The following FOXA3 variants were observed in gnomAD, a reference collection of about 807,000 sequenced individuals.
FOXA3 encodes hepatocyte nuclear factor 3-gamma.
Under a neutral mutation model 16.9 loss-of-function variants are expected in FOXA3, and 11 were observed. That is an observed-to-expected ratio of 0.65 (90% CI 0.41 to 1.08). The LOEUF is 1.08. FOXA3 is among the 50% of genes least tolerant of loss of function. FOXA3 has a pLI of 0.00. For synonymous variants in FOXA3, 217 were observed against 203.3 expected, an observed-to-expected ratio of 1.07 and a Z score of -0.57; for missense variants, 423 against 470.1, an observed-to-expected ratio of 0.90 and a Z score of 0.93.
rs553006038 is a variant in FOXA3, at chr19:45,865,476, T to G, written c.69+951T>G. ...CCCCTACACCTTAGCTACCTCACTC[T>G]GTAATCAACGTTGTGAGGTTGTTGG... On this transcript the variant is annotated intron_variant, in intron 1 of 1. Coordinates refer to ENST00000302177, the MANE Select transcript of FOXA3 (RefSeq NM_004497.3). 2.6e-3 allele frequency among the ~76,000 whole-genome samples: 389 copies of G among 152,262 alleles called. 1 individual carries two copies. The highest frequency in any genetic ancestry group is 8.7e-3 in the African/African-American group (360 of 41,560).
intron 1 of FOXA3, among the ~76,000 whole-genome samples, chr19:45,866,188 G>C (rs531674081): frequency 9.9e-5 from 15 of 152,126 alleles, no homozygotes; most frequent in Non-Finnish European, 1.9e-4. Flanking sequence ...GAAGTGGGAG[G>C]ATCTCTTGAG....
intron 1 of FOXA3, among the ~76,000 whole-genome samples, chr19:45,867,111 A>G (rs1349477200): frequency 1.3e-5 from 2 of 152,004 alleles, no homozygotes; most frequent in Non-Finnish European, 2.9e-5. Flanking sequence ...TCGGACCTCA[A>G]GGAGGACTTC....
intron 1 of FOXA3, 68 bp downstream of exon 1, chr19:45,864,593 A>C (rs1972061246): frequency 7.6e-7 from 1 of 1,315,726 alleles, no homozygotes; most frequent in Admixed American, 2.8e-5. Context: ...CACATGGAGC[A>C]GGGACTGGTT....
In FOXA3 at chr19:45,873,391, GC is replaced by G. The variant is rs903959774; in HGVS notation, c.*341del. On this transcript the variant is annotated 3_prime_UTR_variant, in exon 2 of 2. Transcript: ENST00000302177. The stretch of plus-strand genomic sequence containing the variant: ...TAGCATTTCAGTGACATCTTCTTTG[GC>G]CCCCCCCATTAGGTGCTGTGCCCAC... 4.4e-5 allele frequency: 16 copies of G among 366,568 alleles called. No individual in the cohort carries two copies. The highest frequency in any genetic ancestry group is 1.0e-4 in the African/African-American group (5 of 48,184). The allele number at this position is 366,568 out of a possible 1,614,324, so 22.7% of individuals were successfully genotyped here. A position where few individuals can be genotyped will look rare whatever the true frequency, so the allele number is the denominator to read the frequency against.
chr19:45,864,872 A>G (rs778968851), intron 1 of FOXA3, among the ~76,000 whole-genome samples: 171 of 152,276 alleles, frequency 1.1e-3, no homozygotes, highest in Non-Finnish European at 1.7e-3. Flanking sequence ...GTTCCAGGGT[A>G]GGGGACAGAC....
Position 45,864,355 on chromosome 19 carries a change from G to C in FOXA3, c.-102G>C. 2 of 1,075,078 alleles carry C rather than the reference G, an allele frequency of 1.9e-6. No homozygotes were observed. Among genetic ancestry groups the C allele is most frequent in the Non-Finnish European group, 2.4e-6 (2 of 826,720 alleles). The allele number at this position is 1,075,078 out of a possible 1,614,324, so 66.6% of individuals were successfully genotyped here. On this transcript the variant is annotated 5_prime_UTR_variant, in exon 1 of 2. Transcript: ENST00000302177. ...CAGCCGTACCCCGGGCGGTCGGACG[G>C]GCGGGCGCCGGTGGGAGCTCGGGCC...
In FOXA3 at chr19:45,872,307, A is replaced by C; in HGVS notation, c.302A>C (p.His101Pro). The change falls in exon 2 of 2, where the codon CAC (histidine) becomes CCC (proline). Residue 101 changes from histidine to proline, a missense_variant. His to Pro is a moderately conservative substitution (Grantham distance 77). Around this residue, in one of 3 missense-constraint regions of FOXA3, gnomAD observed 170 missense variants for 153.9 expected, o/e 1.10. Coordinates refer to ENST00000302177, the MANE Select transcript of FOXA3 (RefSeq NM_004497.3). This position sits in a 1 kb window ranked among gnomAD's most constrained non-coding sequence, Gnocchi z 4.5. ...GGGGCCCCGGGTCCTGGGCTGGTGCACGGGAAGGAGATGCCGAAGGGGTAT... is the reference window on the plus strand; with the variant it reads ...GGGGCCCCGGGTCCTGGGCTGGTGCCCGGGAAGGAGATGCCGAAGGGGTAT... ...GYGAPGPGLV[H>P]GKEMPKGYRR... 1.2e-6 allele frequency: 2 copies of C among 1,614,004 alleles called. No homozygotes were observed. Among genetic ancestry groups the C allele is most frequent in the Non-Finnish European group, 1.7e-6 (2 of 1,179,900 alleles).
chr19:45,871,050 A>G (rs1322319745), intron 1 of FOXA3, among the ~76,000 whole-genome samples: 1 of 152,120 alleles, frequency 6.6e-6, no homozygotes, highest in Non-Finnish European at 1.5e-5. Flanking sequence ...CGATTGCACC[A>G]CTGCACTTCA....
chr19:45,866,786 G>A (rs577176152), intron 1 of FOXA3, among the ~76,000 whole-genome samples: 1 of 152,332 alleles, frequency 6.6e-6, no homozygotes, highest in Non-Finnish European at 1.5e-5. Context: ...CCCTGTTTTA[G>A]AGGTGGTTAA....
At chr19:45,871,408 G>T (rs1403642977) in intron 1 of FOXA3, among the ~76,000 whole-genome samples, 2 of 152,066 alleles carry the variant, frequency 1.3e-5, no homozygotes, top group East Asian at 3.9e-4. Flanking sequence ...TACACTTCAT[G>T]AGAAAGAGAG....
chr19:45,873,113 T>C lies in FOXA3; in HGVS notation c.*55T>C, dbSNP rs1662703048. Reference sequence around the variant, plus strand: ...GCTGGAGCTCACACCACGAAGCTCTTGGGGCCTGATCCTTCTGGTGACACT... The same window carrying C: ...GCTGGAGCTCACACCACGAAGCTCTCGGGGCCTGATCCTTCTGGTGACACT... On this transcript the variant is annotated 3_prime_UTR_variant, in exon 2 of 2. Transcript: ENST00000302177. 3.9e-6 allele frequency: 6 copies of C among 1,553,190 alleles called. No individual in the cohort carries two copies. The highest frequency in any genetic ancestry group is 5.2e-6 in the Non-Finnish European group (6 of 1,147,944).
chr19:45,872,013 G>A lies in FOXA3; in HGVS notation c.70-62G>A. ...GACAGACGGACACTCAGTGGGTCCT[G>A]GGATCCTTTGCTGACCAGCAGAGTG... On this transcript the variant is annotated intron_variant, in intron 1 of 1. Transcript: ENST00000302177. The surrounding 1 kb of genome is among the most constrained non-coding windows in gnomAD (Gnocchi z 4.5). 1 of 1,537,588 alleles carries A rather than the reference G, an allele frequency of 6.5e-7. No individual in the cohort carries two copies. The highest frequency in any genetic ancestry group is 8.9e-7 in the Non-Finnish European group (1 of 1,122,612).
intron 1 of FOXA3, among the ~76,000 whole-genome samples, chr19:45,869,960 G>A (rs7254364): frequency 0.31 from 45,943 of 150,506 alleles, 7,159 homozygotes; most frequent in Middle Eastern, 0.36. Flanking sequence ...TATTTTTTGT[G>A]TTTTTAGTAG....
At chr19:45,866,231 G>A (rs1972083900) in intron 1 of FOXA3, among the ~76,000 whole-genome samples, 1 of 151,986 alleles carries the variant, frequency 6.6e-6, no homozygotes, top group South Asian at 2.1e-4. Context: ...GGGCAACATA[G>A]GGAGACCTTG....
At chr19:45,868,160 A>G (rs1237881692) in intron 1 of FOXA3, among the ~76,000 whole-genome samples, 3 of 152,086 alleles carry the variant, frequency 2.0e-5, no homozygotes, top group Non-Finnish European at 4.4e-5. Flanking sequence ...GAGACATGAA[A>G]AGGAAAGAGC....
At chr19:45,864,931 A>G (rs181729901) in intron 1 of FOXA3, among the ~76,000 whole-genome samples, 182 of 152,130 alleles carry the variant, frequency 1.2e-3, no homozygotes, top group Non-Finnish European at 1.8e-3. Flanking sequence ...AAGAAAGACT[A>G]AAAGATGGAG....
At position 45,872,974 on chromosome 19, in the gene FOXA3, G is replaced by C; in HGVS notation, c.969G>C (p.Gly323=). ...CAGCACCTCCCAAACTGGACGTGGG[G>C]TTTGGGGGCTACGGGGCTGAAGGTG... ...QTPAPPKLDV[G]FGGYGAEGGE... Residue 323 remains glycine (G), a synonymous_variant, in exon 2 of 2, where the codon GGG becomes GGC. Coordinates refer to ENST00000302177, the MANE Select transcript of FOXA3 (RefSeq NM_004497.3). The surrounding 1 kb of genome is among the most constrained non-coding windows in gnomAD (Gnocchi z 4.5). The C allele has an allele frequency of 1.9e-6, 3 of 1,614,010 alleles. No individual in the cohort carries two copies. Among genetic ancestry groups the C allele is most frequent in the Middle Eastern group, 3.3e-4 (2 of 6,062 alleles).
In FOXA3 at chr19:45,873,194, C is replaced by G; in HGVS notation, c.*136C>G. 7.4e-7 allele frequency: 1 copy of G among 1,359,232 alleles called. No individual in the cohort carries two copies. Among genetic ancestry groups the G allele is most frequent in the East Asian group, 2.5e-5 (1 of 39,862 alleles). The allele number at this position is 1,359,232 out of a possible 1,614,324, so 84.2% of individuals were successfully genotyped here. A position where few individuals can be genotyped will look rare whatever the true frequency, so the allele number is the denominator to read the frequency against. Reference sequence around the variant, plus strand: ...GGTCTATTACTTACTGTGATGACTGCTGTCTCAGTGGGCATGGTGTTGATC... The same window carrying G: ...GGTCTATTACTTACTGTGATGACTGGTGTCTCAGTGGGCATGGTGTTGATC... On this transcript the variant is annotated 3_prime_UTR_variant, in exon 2 of 2. Transcript: ENST00000302177.
intron 1 of FOXA3, among the ~76,000 whole-genome samples, chr19:45,871,616 C>T (rs913615533): frequency 6.6e-6 from 1 of 150,918 alleles, no homozygotes. Flanking sequence ...CACCTGTAAT[C>T]CCAGCTGCTC....
Sources: gnomAD v4.1 joint callset for allele counts (sites outside exome capture counted in the v4.1 genomes callset) on GRCh38, gnomAD v4.1.1 for gene constraint, gnomAD v4.1.1 regional missense constraint, Gnocchi (gnomAD v3.1) non-coding constraint, MANE v1.5 for transcripts, NCBI Gene and HGNC (gene_info 2026-07-23, HGNC 2026-07-21) for gene names.